Variants in RAPGEF2 observed in about 807,000 individuals in gnomAD.
The protein encoded by RAPGEF2 is Rap guanine nucleotide exchange factor 2, also known as PDZ domain containing guanine nucleotide exchange factor (GEF) 1.
Under a neutral mutation model 186.7 loss-of-function variants are expected in RAPGEF2, and 54 were observed. The ratio of observed to expected loss-of-function variants is 0.29; its 90% CI spans 0.23 to 0.36. The LOEUF is 0.36. RAPGEF2 is among the 10% of genes least tolerant of loss of function. The pLI is 1.00. For missense variants in RAPGEF2, 1,532 were observed against 2,045.0 expected, an observed-to-expected ratio of 0.75 and a Z score of 4.84; for synonymous variants, 712 against 705.9, an observed-to-expected ratio of 1.01 and a Z score of -0.14.
At chr4:159,272,247 C>T (rs1239283787) in intron 7 of RAPGEF2, among the ~76,000 whole-genome samples, 5 of 152,122 alleles carry the variant, frequency 3.3e-5, no homozygotes, top group Admixed American at 3.3e-4. Context: ...TACATAAGCC[C>T]CTTAACCAAG....
intron 19 of RAPGEF2, among the ~76,000 whole-genome samples, chr4:159,340,573 A>G (rs1830456): frequency 0.16 from 24,795 of 151,928 alleles, 2,394 homozygotes; most frequent in African/African-American, 0.26. Context: ...TAGGGCCCCT[A>G]CTATGCTCAT....
At chr4:159,222,632 C>T (rs1751649185) in intron 4 of RAPGEF2, among the ~76,000 whole-genome samples, 1 of 152,144 alleles carries the variant, frequency 6.6e-6, no homozygotes, top group Non-Finnish European at 1.5e-5. Context: ...CTTGTCTGTG[C>T]CCCGGTTGTT....
At chr4:159,348,908 C>T (rs1051061452) in intron 25 of RAPGEF2, among the ~76,000 whole-genome samples, 2 of 152,194 alleles carry the variant, frequency 1.3e-5, no homozygotes, top group African/African-American at 2.4e-5. Flanking sequence ...AGGTGTTCCC[C>T]CCACTCCAGT....
At chr4:159,315,380 T>A (rs1218566452) in intron 9 of RAPGEF2, among the ~76,000 whole-genome samples, 1 of 147,766 alleles carries the variant, frequency 6.8e-6, no homozygotes, top group African/African-American at 2.7e-5. Flanking sequence ...CATGGGGGTT[T>A]GTTGTATAGA....
chr4:159,205,970 C>T (rs1292079354), intron 3 of RAPGEF2, among the ~76,000 whole-genome samples: 1 of 152,056 alleles, frequency 6.6e-6, no homozygotes, highest in East Asian at 1.9e-4. Context: ...GCCCTGTCAC[C>T]CAGGCTGGAG....
At position 159,352,523 on chromosome 4, in the gene RAPGEF2, A is replaced by G. The variant is rs145491558; in HGVS notation, c.3866-162A>G. The G allele has an allele frequency of 1.7e-3, 998 of 597,852 alleles. 8 individuals carry two copies. In the African/African-American group the frequency reaches 0.017, roughly 10 times the overall value. The allele number at this position is 597,852 out of a possible 1,614,324, so 37.0% of individuals were successfully genotyped here. On this transcript the variant is annotated intron_variant, in intron 26 of 29. Coordinates refer to ENST00000691494, the MANE Select transcript of RAPGEF2 (RefSeq NM_001394067.2). ...AACTTAAGCTTCATTAGAATAAAAC[A>G]TTTGTCTCTTAGTCATGTGGTCTCT...
intron 1 of RAPGEF2, among the ~76,000 whole-genome samples, chr4:159,108,655 A>C (rs1255058651): frequency 6.6e-6 from 1 of 152,126 alleles, no homozygotes; most frequent in Non-Finnish European, 1.5e-5. Flanking sequence ...GGATGATTTA[A>C]AGAATCACAA....
Position 159,104,225 on chromosome 4 carries a change from C to T in RAPGEF2, c.63C>T (p.Thr21=). The T allele has an allele frequency of 9.6e-6, 11 of 1,143,686 alleles. No individual in the cohort carries two copies. Among genetic ancestry groups the T allele is most frequent in the South Asian group, 1.4e-5 (1 of 70,150 alleles). The allele number at this position is 1,143,686 out of a possible 1,614,324, so 70.8% of individuals were successfully genotyped here. Reference sequence around the variant, plus strand: ...TGATGAAGAATCCCCCCGAAAGGACCCCCCAGGTGAGAACGCGGCGGCCGC... The same window carrying T: ...TGATGAAGAATCCCCCCGAAAGGACTCCCCAGGTGAGAACGCGGCGGCCGC... ...QAVMKNPPER[T]PQDLEIVYSY... Residue 21 remains threonine (T), a synonymous_variant, in exon 1 of 30, where the codon ACC becomes ACT. Transcript: ENST00000691494.
rs1332950734 is a variant in RAPGEF2 at position 159,103,569 on chromosome 4, C to A, written c.-594C>A. 4 of 153,224 alleles carry A rather than the reference C, an allele frequency of 2.6e-5. No individual in the cohort carries two copies. In the East Asian group the frequency reaches 7.7e-4, roughly 30 times the overall value. The allele number at this position is 153,224 out of a possible 1,614,324, so 9.5% of individuals were successfully genotyped here. A position where few individuals can be genotyped will look rare whatever the true frequency, so the allele number is the denominator to read the frequency against. On this transcript the variant is annotated 5_prime_UTR_variant, in exon 1 of 30. Transcript: ENST00000691494. ...TCGCAGCGCCCGGACCTGAGCCAGA[C>A]CCACCTGGTCCGTCCTCCCGACCGG... is the stretch of plus-strand genomic sequence containing the variant.
intron 1 of RAPGEF2, among the ~76,000 whole-genome samples, chr4:159,176,673 G>A (rs1274523653): frequency 1.3e-5 from 2 of 151,966 alleles, no homozygotes; most frequent in South Asian, 2.1e-4. Flanking sequence ...ATCCAAGAAC[G>A]GTGCTAAATT....
chr4:159,335,835 CAAAAA>C (rs778302629), intron 17 of RAPGEF2, among the ~76,000 whole-genome samples: 4 of 48,152 alleles, frequency 8.3e-5, no homozygotes, highest in Admixed American at 2.3e-4. Flanking sequence ...GACTCCGTCT[CAAAAA>C]AAAAAAAAAA....
At chr4:159,175,503 G>A (rs1746366988) in intron 1 of RAPGEF2, among the ~76,000 whole-genome samples, 2 of 152,142 alleles carry the variant, frequency 1.3e-5, no homozygotes, top group Admixed American at 1.3e-4. Flanking sequence ...CCCTGCTAAG[G>A]ATGATAGAAG....
chr4:159,348,383 A>G (rs1324664614), intron 25 of RAPGEF2, among the ~76,000 whole-genome samples: 1 of 152,148 alleles, frequency 6.6e-6, no homozygotes, highest in Non-Finnish European at 1.5e-5. Context: ...GCCCATCTGT[A>G]TGGCTTGGGT....
chr4:159,275,054 CGTGT>C (rs35461332), intron 7 of RAPGEF2, among the ~76,000 whole-genome samples: 28,009 of 143,786 alleles, frequency 0.19, 2,688 homozygotes, highest in African/African-American at 0.24. Context: ...CTCTGTCTCT[CGTGT>C]GTGTGTGTGT....
At chr4:159,335,704 G>A (rs542528539) in intron 17 of RAPGEF2, among the ~76,000 whole-genome samples, 18 of 152,102 alleles carry the variant, frequency 1.2e-4, no homozygotes, top group Non-Finnish European at 1.6e-4. Flanking sequence ...GCATGGTGGC[G>A]GACGTCTGTA....
At chr4:159,284,481 G>GACAC (rs36232973) in intron 7 of RAPGEF2, among the ~76,000 whole-genome samples, 65 of 140,444 alleles carry the variant, frequency 4.6e-4, no homozygotes, top group South Asian at 2.3e-3. Flanking sequence ...CCGCCATGGA[G>GACAC]ACACACACAC....
intron 11 of RAPGEF2, chr4:159,326,795 T>A (rs1765988908): frequency 6.6e-6 from 1 of 152,364 alleles, no homozygotes; most frequent in Admixed American, 6.5e-5. Flanking sequence ...TATTTCCTCT[T>A]TTACCCTCTT....
At chr4:159,131,159 G>T (rs931662706) in intron 1 of RAPGEF2, among the ~76,000 whole-genome samples, 3 of 151,802 alleles carry the variant, frequency 2.0e-5, no homozygotes, top group African/African-American at 7.3e-5. Context: ...TGCCCAGGCT[G>T]AAGTGCAATG....
chr4:159,290,629 A>G (rs1205340918), intron 7 of RAPGEF2, among the ~76,000 whole-genome samples: 1 of 152,174 alleles, frequency 6.6e-6, no homozygotes, highest in Non-Finnish European at 1.5e-5. Context: ...ATGGCAGGTG[A>G]CTGAGAAAGT....
Sources: allele counts gnomAD v4.1 joint callset (sites outside exome capture counted in the v4.1 genomes callset), GRCh38; gene constraint gnomAD v4.1.1; transcripts MANE v1.5; gene names NCBI Gene and HGNC (gene_info 2026-07-23, HGNC 2026-07-21).